Variants in CDV3 observed in about 807,000 individuals in gnomAD.
The protein encoded by CDV3 is protein CDV3 homolog.
A neutral mutation model predicts 24.5 loss-of-function variants in CDV3; 14 were observed. That is an observed-to-expected ratio of 0.57 (90% CI 0.38 to 0.89). CDV3 has a LOEUF of 0.89. CDV3 is among the 40% of genes least tolerant of loss of function. The pLI, the probability that CDV3 is intolerant of heterozygous loss-of-function variation, is 0.00. For synonymous variants in CDV3, 114 were observed against 114.1 expected (o/e 1.00, Z 0.00); for missense variants, 304 against 310.2 (o/e 0.98, Z 0.15).
intron 2 of CDV3, 151 bp downstream of exon 2, chr3:133,575,266 C>A: frequency 1.8e-6 from 1 of 540,634 alleles, no homozygotes. Flanking sequence ...TACTCTTTCT[C>A]ACTCCATGGA....
intron 2 of CDV3, among the ~76,000 whole-genome samples, chr3:133,582,543 T>C (rs903897167): frequency 3.3e-5 from 5 of 152,270 alleles, no homozygotes; most frequent in African/African-American, 7.2e-5. Context: ...CTTTGTCTTA[T>C]AGCCAGCATG....
At position 133,587,925 on chromosome 3, in the gene CDV3, T is replaced by C. The variant is rs371435315; in HGVS notation, c.656T>C (p.Val219Ala). 1 of 1,612,022 alleles carries C rather than the reference T, an allele frequency of 6.2e-7. No homozygotes were observed. The highest frequency in any genetic ancestry group is 1.3e-5 in the African/African-American group (1 of 74,820). Residue 219 changes from valine (V) to alanine (A), a missense_variant, in exon 5 of 5, where the codon GTA becomes GCA. Val to Ala is a moderately conservative substitution (Grantham distance 64). Coordinates refer to ENST00000264993, the MANE Select transcript of CDV3 (RefSeq NM_017548.5). ...AAAGAAATGGAGAAGAGCTTTGAAG[T>C]AGTAAGACACAAAAATAGAGGTAGG... is the stretch of plus-strand genomic sequence containing the variant. ...KDKEMEKSFE[V>A]VRHKNRGRDE... is the part of the protein sequence containing the mutation.
chr3:133,574,459 C>T lies in CDV3; in HGVS notation c.240+175C>T, dbSNP rs545843063. Reference sequence around the variant, plus strand: ...GGGCTGGGCTCGCCAGGGCCGGGACCCCTTCCGATATCCGCGGTGGAGCCG... The same window carrying T: ...GGGCTGGGCTCGCCAGGGCCGGGACTCCTTCCGATATCCGCGGTGGAGCCG... On this transcript the variant is annotated intron_variant, in intron 1 of 4. Coordinates refer to ENST00000264993, the MANE Select transcript of CDV3 (RefSeq NM_017548.5). The T allele has an allele frequency of 2.1e-5, 21 of 986,514 alleles. No individual in the cohort carries two copies. The African/African-American group carries it at 2.6e-4, about 12-fold the overall frequency. 61.1% of individuals were successfully genotyped at this position (986,514 alleles called of 1,614,324 possible). A position where few individuals can be genotyped will look rare whatever the true frequency, so the allele number is the denominator to read the frequency against.
rs760327005 is a variant in CDV3 at position 133,583,987 on chromosome 3, T to C, written c.318-15T>C. On this transcript the variant is annotated splice_polypyrimidine_tract_variant and intron_variant, in intron 2 of 4. Transcript: ENST00000264993. ...TTGGTGATTCCTTAATGAATTTACATCTTTGCTTTTCCAGCAGTGAAAAGG... is the reference window on the plus strand; with the variant it reads ...TTGGTGATTCCTTAATGAATTTACACCTTTGCTTTTCCAGCAGTGAAAAGG... 1.9e-6 allele frequency: 3 copies of C among 1,584,944 alleles called. No individual in the cohort carries two copies. The highest frequency in any genetic ancestry group is 3.7e-5 in the Admixed American group (2 of 53,344).
rs1933928328 is a variant in CDV3, at chr3:133,589,644, A to G, written c.*1598A>G. On this transcript the variant is annotated 3_prime_UTR_variant, in exon 5 of 5. Coordinates refer to ENST00000264993, the MANE Select transcript of CDV3 (RefSeq NM_017548.5). ...GTGAAGCAAGTGGGTGAGTAAAACTATTTTGACGTGGGAGCGTTTTCAGAT... is the reference window on the plus strand; with the variant it reads ...GTGAAGCAAGTGGGTGAGTAAAACTGTTTTGACGTGGGAGCGTTTTCAGAT... 1.3e-5 allele frequency: 2 copies of G among 152,630 alleles called. No individual in the cohort carries two copies. Among genetic ancestry groups the G allele is most frequent in the African/African-American group, 4.8e-5 (2 of 41,440 alleles). The allele number at this position is 152,630 out of a possible 1,614,324, so 9.5% of individuals were successfully genotyped here.
intron 2 of CDV3, among the ~76,000 whole-genome samples, chr3:133,581,463 T>C (rs1009010775): frequency 1.3e-5 from 2 of 152,220 alleles, no homozygotes; most frequent in African/African-American, 4.8e-5. Flanking sequence ...GAAATTTTTT[T>C]GAGAAAAATG....
At chr3:133,581,763 G>A (rs1255847345) in intron 2 of CDV3, among the ~76,000 whole-genome samples, 1 of 152,136 alleles carries the variant, frequency 6.6e-6, no homozygotes, top group East Asian at 1.9e-4. Context: ...TTTTAAAATT[G>A]TTGTAGATGT....
At chr3:133,582,011 C>T (rs543187713) in intron 2 of CDV3, among the ~76,000 whole-genome samples, 1 of 152,156 alleles carries the variant, frequency 6.6e-6, no homozygotes, top group East Asian at 1.9e-4. Flanking sequence ...CCTTTTTCCT[C>T]TCAGATAAAG....
rs1559788303 is a variant in CDV3, at chr3:133,584,092, ATCT to A, written c.411_413del (p.Ser138del). ...GAGGTGGTGGTGGAGGTATGGAAAA[ATCT>A]TCAGGTCCCTGGAATAAAACAGCTC... On this transcript the variant is annotated inframe_deletion, in exon 3 of 5. Coordinates refer to ENST00000264993, the MANE Select transcript of CDV3 (RefSeq NM_017548.5). 2 of 1,612,954 alleles carry A rather than the reference ATCT, an allele frequency of 1.2e-6. No individual in the cohort carries two copies. The highest frequency in any genetic ancestry group is 1.7e-6 in the Non-Finnish European group (2 of 1,179,034).
Position 133,574,004 on chromosome 3 carries a change from C to T in CDV3, c.-41C>T, listed in dbSNP as rs1220931011. 1.9e-6 allele frequency: 2 copies of T among 1,030,640 alleles called. No homozygotes were observed. Among genetic ancestry groups the T allele is most frequent in the Admixed American group, 5.6e-5 (1 of 17,892 alleles). 63.8% of individuals were successfully genotyped at this position (1,030,640 alleles called of 1,614,324 possible). A position where few individuals can be genotyped will look rare whatever the true frequency, so the allele number is the denominator to read the frequency against. On this transcript the variant is annotated 5_prime_UTR_variant, in exon 1 of 5. Coordinates refer to ENST00000264993, the MANE Select transcript of CDV3 (RefSeq NM_017548.5). Reference sequence around the variant, plus strand: ...AGCTCGGAGCCCCGCGGGCCGCGCCCGCCGCCGGCCCCACCCATCCGGGTC... The same window carrying T: ...AGCTCGGAGCCCCGCGGGCCGCGCCTGCCGCCGGCCCCACCCATCCGGGTC...
At chr3:133,585,204 A>G (rs1933461365) in intron 3 of CDV3, among the ~76,000 whole-genome samples, 3 of 151,916 alleles carry the variant, frequency 2.0e-5, no homozygotes, top group Middle Eastern at 6.8e-3. Flanking sequence ...GGGGCATGCC[A>G]CCTGTTTATT....
At position 133,573,760 on chromosome 3, in the gene CDV3, T is replaced by G; in HGVS notation, c.-285T>G. 6.6e-6 allele frequency: 1 copy of G among 152,162 alleles called. No individual in the cohort carries two copies. The highest frequency in any genetic ancestry group is 1.5e-5 in the Non-Finnish European group (1 of 68,170). 9.4% of individuals were successfully genotyped at this position (152,162 alleles called of 1,614,324 possible). On this transcript the variant is annotated 5_prime_UTR_variant, in exon 1 of 5. Transcript: ENST00000264993. ...TCGCGCGTGCCTTTTCCCCTCAGGT[T>G]GTGGGGAGAGCGGAATCCTGCTCCG...
Position 133,583,995 on chromosome 3 carries a change from T to G in CDV3, c.318-7T>G. The stretch of plus-strand genomic sequence containing the variant: ...TCCTTAATGAATTTACATCTTTGCT[T>G]TTCCAGCAGTGAAAAGGAAGAAGAC... On this transcript the variant is annotated splice_polypyrimidine_tract_variant and splice_region_variant and intron_variant, in intron 2 of 4. Transcript: ENST00000264993. The G allele has an allele frequency of 6.3e-7, 1 of 1,589,204 alleles. No individual in the cohort carries two copies. The highest frequency in any genetic ancestry group is 8.5e-7 in the Non-Finnish European group (1 of 1,171,660).
intron 2 of CDV3, among the ~76,000 whole-genome samples, chr3:133,576,864 T>TTTTTTTTTTTTTTTTA (rs869170539): frequency 7.1e-6 from 1 of 139,862 alleles, no homozygotes; most frequent in Non-Finnish European, 1.6e-5. Context: ...TTTTTTTTTT[T>TTTTTTTTTTTTTTTTA]GAGACGAAGT....
At chr3:133,586,375 C>A (rs1415175958) in intron 3 of CDV3, among the ~76,000 whole-genome samples, 188 bp from the exon 4 acceptor site, 1 of 152,192 alleles carries the variant, frequency 6.6e-6, no homozygotes, top group Non-Finnish European at 1.5e-5. Flanking sequence ...GGATTACAGG[C>A]GTGAGCCACC....
At chr3:133,576,841 C>T (rs1366817186) in intron 2 of CDV3, among the ~76,000 whole-genome samples, 181 of 62,372 alleles carry the variant, frequency 2.9e-3, no homozygotes, top group Middle Eastern at 0.015. Context: ...GGTAGACTAG[C>T]TTTTTTTTTT....
intron 4 of CDV3, 61 bp from the exon 5 acceptor site, chr3:133,587,835 A>G: frequency 7.8e-6 from 12 of 1,529,488 alleles, no homozygotes; most frequent in Non-Finnish European, 1.1e-5. Flanking sequence ...TTCAAGGACG[A>G]ATATTTTCAA....
chr3:133,587,757 A>G, intron 4 of CDV3, 139 bp from the exon 5 acceptor site: 1 of 1,429,640 alleles, frequency 7.0e-7, no homozygotes, highest in Non-Finnish European at 9.2e-7. Context: ...TGGTTTGATA[A>G]GGATTTTCTA....
At chr3:133,578,862 TAA>T (rs1039658407) in intron 2 of CDV3, among the ~76,000 whole-genome samples, 13 of 152,210 alleles carry the variant, frequency 8.5e-5, no homozygotes, top group East Asian at 7.7e-4. Flanking sequence ...TCTCTTGAGG[TAA>T]AGAGATAAGG....
Sources: allele counts gnomAD v4.1 joint callset (sites outside exome capture counted in the v4.1 genomes callset), GRCh38; gene constraint gnomAD v4.1.1; transcripts MANE v1.5; gene names NCBI Gene and HGNC (gene_info 2026-07-23, HGNC 2026-07-21).